TMEM132B: variants seen among roughly 807,000 people sequenced by gnomAD.
TMEM132B encodes the protein transmembrane protein 132B.
Under a neutral mutation model 90.8 loss-of-function variants are expected in TMEM132B, and 18 were observed. The ratio of observed to expected loss-of-function variants is 0.20; its 90% CI spans 0.14 to 0.29. The LOEUF (loss-of-function observed/expected upper bound fraction) is 0.29, where lower values mean the gene tolerates loss of function less well. TMEM132B is among the 10% of genes least tolerant of loss of function. TMEM132B has a pLI of 1.00. For missense variants in TMEM132B, 1,096 were observed against 1,326.8 expected (o/e 0.83, Z 2.70); for synonymous variants, 504 against 523.3 (o/e 0.96, Z 0.50).
chr12:125,623,471 G>C (rs79627748), intron 5 of TMEM132B, among the ~76,000 whole-genome samples: 2,653 of 152,074 alleles, frequency 0.017, 98 homozygotes, highest in African/African-American at 0.061. Flanking sequence ...CTACCAAGCA[G>C]ATTCCAGAGA....
intron 3 of TMEM132B, among the ~76,000 whole-genome samples, chr12:125,425,032 C>T (rs1040854206): frequency 3.3e-5 from 5 of 151,296 alleles, no homozygotes; most frequent in South Asian, 4.2e-4. Context: ...GAGTCCAGCA[C>T]GGATGGGGAA....
chr12:125,354,796 A>G (rs1299752073), intron 2 of TMEM132B, among the ~76,000 whole-genome samples: 1 of 152,200 alleles, frequency 6.6e-6, no homozygotes, highest in African/African-American at 2.4e-5. Flanking sequence ...TATAATTAAT[A>G]TGTGTTAATT....
At chr12:125,556,953 A>G (rs758033854) in intron 4 of TMEM132B, among the ~76,000 whole-genome samples, 2 of 151,836 alleles carry the variant, frequency 1.3e-5, no homozygotes, top group Non-Finnish European at 2.9e-5. Flanking sequence ...ACAGAGTTTC[A>G]CCGTGTTAGC....
At chr12:125,198,886 C>T (rs995799339) in intron 1 of TMEM132B, among the ~76,000 whole-genome samples, 3 of 152,158 alleles carry the variant, frequency 2.0e-5, no homozygotes, top group South Asian at 2.1e-4. Flanking sequence ...AAAGCTCCTC[C>T]GGCTTCTTTA....
chr12:125,600,055 G>A (rs1343463574), intron 5 of TMEM132B, among the ~76,000 whole-genome samples: 1 of 152,120 alleles, frequency 6.6e-6, no homozygotes, highest in African/African-American at 2.4e-5. Context: ...AGGAGTTTGG[G>A]TTTTATGCTA....
At chr12:125,575,083 T>TATATATATATATATATG (rs61155232) in intron 4 of TMEM132B, among the ~76,000 whole-genome samples, 1 of 114,614 alleles carries the variant, frequency 8.7e-6, no homozygotes, top group Non-Finnish European at 1.9e-5. Context: ...TATATATATA[T>TATATATATATATATATG]TCAGGAGTAG....
chr12:125,326,507 T>G, intron 1 of TMEM132B: 2 of 1,186,268 alleles, frequency 1.7e-6, no homozygotes, highest in Non-Finnish European at 2.4e-6. Context: ...TGGCAACCTG[T>G]ATAGTAAACA....
intron 5 of TMEM132B, among the ~76,000 whole-genome samples, chr12:125,624,085 C>T (rs1886174070): frequency 6.6e-6 from 1 of 152,234 alleles, no homozygotes; most frequent in Admixed American, 6.5e-5. Context: ...CAGTTACAGG[C>T]TGAACGCTGA....
chr12:125,537,375 A>T (rs1299245266), intron 4 of TMEM132B, among the ~76,000 whole-genome samples: 1 of 152,116 alleles, frequency 6.6e-6, no homozygotes, highest in Non-Finnish European at 1.5e-5. Context: ...GCTTTCGAAG[A>T]CTCCAGACAG....
chr12:125,657,412 C>T lies in TMEM132B; in HGVS notation c.*2702C>T, dbSNP rs910319335. 14 of 151,746 alleles carry T rather than the reference C, an allele frequency of 9.2e-5. No individual in the cohort carries two copies. Among genetic ancestry groups the T allele is most frequent in the African/African-American group, 3.2e-4 (13 of 41,254 alleles). The allele number at this position is 151,746 out of a possible 1,614,324, so 9.4% of individuals were successfully genotyped here. On this transcript the variant is annotated 3_prime_UTR_variant, in exon 9 of 9. Transcript: ENST00000682704. ...CAACAAACTATTTAGTAAGAATCAACAGTGACTGTCAATTGTTCTCAGATT... is the reference window on the plus strand; with the variant it reads ...CAACAAACTATTTAGTAAGAATCAATAGTGACTGTCAATTGTTCTCAGATT...
At chr12:125,188,602 GC>G in intron 1 of TMEM132B, among the ~76,000 whole-genome samples, 1 of 144,538 alleles carries the variant, frequency 6.9e-6, no homozygotes, top group East Asian at 2.1e-4. Context: ...GCTCTGGAAG[GC>G]CCCATGTTGG....
intron 5 of TMEM132B, among the ~76,000 whole-genome samples, chr12:125,592,547 A>G (rs1396248905): frequency 3.3e-5 from 5 of 152,130 alleles, no homozygotes; most frequent in Admixed American, 6.5e-5. Context: ...GAAAAAAAAA[A>G]CTAAAGTTTT....
intron 3 of TMEM132B, among the ~76,000 whole-genome samples, chr12:125,489,170 A>G (rs1381359305): frequency 2.6e-5 from 4 of 152,150 alleles, no homozygotes; most frequent in Non-Finnish European, 4.4e-5. Flanking sequence ...TAGTTATCCA[A>G]TCTCAGATAT....
chr12:125,266,514 C>A (rs945659116), intron 1 of TMEM132B, among the ~76,000 whole-genome samples: 1 of 152,170 alleles, frequency 6.6e-6, no homozygotes, highest in Non-Finnish European at 1.5e-5. Flanking sequence ...TGGAAACACA[C>A]AGAATGGCAT....
intron 2 of TMEM132B, among the ~76,000 whole-genome samples, chr12:125,353,809 T>G (rs931487036): frequency 5.9e-5 from 9 of 152,180 alleles, no homozygotes; most frequent in African/African-American, 1.9e-4. Flanking sequence ...AAGAGGAGAT[T>G]CATTTAGGGA....
rs574804748 is a variant in TMEM132B at position 125,502,198 on chromosome 12, C to T, written c.1107-17241C>T. 2.0e-4 allele frequency among the ~76,000 whole-genome samples: 30 copies of T among 152,306 alleles called. No homozygotes were observed. In the South Asian group the frequency reaches 5.6e-3, roughly 28 times the overall value. On this transcript the variant is annotated intron_variant, in intron 3 of 8. Transcript: ENST00000682704. ...CTCAAATCTCTCCTCTTCAGAAAGT[C>T]CTCCTTTCACTACTTTATCTAAATG...
At chr12:125,200,769 G>C (rs558643781) in intron 1 of TMEM132B, among the ~76,000 whole-genome samples, 2 of 152,282 alleles carry the variant, frequency 1.3e-5, no homozygotes, top group South Asian at 4.1e-4. Flanking sequence ...GTGGAAGAAG[G>C]GGGACTTGTT....
At chr12:125,480,415 G>A (rs1462948991) in intron 3 of TMEM132B, among the ~76,000 whole-genome samples, 1 of 152,108 alleles carries the variant, frequency 6.6e-6, no homozygotes, top group African/African-American at 2.4e-5. Context: ...AATAAAAAAT[G>A]ATAAAGAGGA....
intron 1 of TMEM132B, among the ~76,000 whole-genome samples, chr12:125,344,924 C>T (rs1025236773): frequency 1.6e-4 from 24 of 152,096 alleles, no homozygotes; most frequent in African/African-American, 5.3e-4. Context: ...TCCATTCCGC[C>T]GCCGCCAGAG....
Sources: gnomAD v4.1 joint callset for allele counts (sites outside exome capture counted in the v4.1 genomes callset) on GRCh38, gnomAD v4.1.1 for gene constraint, MANE v1.5 for transcripts, NCBI Gene and HGNC (gene_info 2026-07-23, HGNC 2026-07-21) for gene names.